The following HIPK3 variants were observed in gnomAD, a reference collection of about 807,000 sequenced individuals.
HIPK3 encodes homeodomain interacting protein kinase 3, also known as homeodomain-interacting protein kinase 3.
HIPK3 carries 47 observed loss-of-function variants against 124.2 expected under a neutral mutation model. The ratio of observed to expected loss-of-function variants is 0.38; its 90% confidence interval spans 0.30 to 0.48. The LOEUF (loss-of-function observed/expected upper bound fraction) is 0.48, where lower values mean the gene tolerates loss of function less well. Among genes scored for constraint, HIPK3 ranks in the 20% least tolerant of loss-of-function variants. HIPK3 has a pLI of 0.98. For missense variants in HIPK3, 1,286 were observed against 1,454.3 expected (o/e 0.88, Z 1.88); for synonymous variants, 482 against 515.2 (o/e 0.94, Z 0.87).
chr11:33,272,040 A>G (rs1851138578), intron 1 of HIPK3, among the ~76,000 whole-genome samples: 1 of 152,222 alleles, frequency 6.6e-6, no homozygotes, highest in Non-Finnish European at 1.5e-5. Flanking sequence ...AAAATGTGTC[A>G]CTTAAAGTTA....
Position 33,353,376 on chromosome 11 carries a change from T to A in HIPK3, c.3456T>A (p.Tyr1152Ter). ...TSRPMLQHPTYNISHPSGIVH... is the reference protein window; with the variant it reads ...TSRPMLQHPT Reference sequence around the variant, plus strand: ...GACCTATGTTACAGCATCCAACTTATAATATCTCCCATCCCAGTGGCATAG... The same window carrying A: ...GACCTATGTTACAGCATCCAACTTAAAATATCTCCCATCCCAGTGGCATAG... Residue 1152 changes from tyrosine (Y) to a stop codon, truncating the protein, a stop_gained, in exon 17 of 17, where the codon TAT (tyrosine) becomes TAA (stop). Coordinates refer to ENST00000303296, the MANE Select transcript of HIPK3 (RefSeq NM_005734.5). LOFTEE classifies it high-confidence loss of function. 1 of 1,614,146 alleles carries A rather than the reference T, an allele frequency of 6.2e-7. No individual in the cohort carries two copies. The highest frequency in any genetic ancestry group is 8.5e-7 in the Non-Finnish European group (1 of 1,180,016).
intron 1 of HIPK3, among the ~76,000 whole-genome samples, chr11:33,268,475 T>C (rs1015278353): frequency 6.7e-6 from 1 of 150,088 alleles, no homozygotes; most frequent in Non-Finnish European, 1.5e-5. Context: ...CCTGTAGTCC[T>C]AGCCACTCGG....
At chr11:33,338,662 T>G in intron 4 of HIPK3, 95 bp from the exon 5 acceptor site, 1 of 614,758 alleles carries the variant, frequency 1.6e-6, no homozygotes, top group Non-Finnish European at 2.6e-6. Flanking sequence ...AAATTACTAT[T>G]TGCCTTAGAA....
intron 1 of HIPK3, among the ~76,000 whole-genome samples, chr11:33,272,520 G>A (rs185697451): frequency 6.6e-6 from 1 of 151,992 alleles, no homozygotes; most frequent in Non-Finnish European, 1.5e-5. Context: ...AGTTTTTCTG[G>A]CTTTCCTAAG....
rs1565087967 is a variant in HIPK3, at chr11:33,328,502, A to C, written c.1098-8A>C. On this transcript the variant is annotated splice_polypyrimidine_tract_variant and splice_region_variant and intron_variant, in intron 2 of 16. Transcript: ENST00000303296. The stretch of plus-strand genomic sequence containing the variant: ...CACCCTGATTTTTGTTTTAATTTTA[A>C]ATTTCAGAGCTCCAGAGATTATATT... 1.2e-6 allele frequency: 2 copies of C among 1,607,138 alleles called. No individual in the cohort carries two copies. Among genetic ancestry groups the C allele is most frequent in the East Asian group, 2.2e-5 (1 of 44,802 alleles).
At chr11:33,269,533 T>C (rs1464058539) in intron 1 of HIPK3, among the ~76,000 whole-genome samples, 2 of 151,810 alleles carry the variant, frequency 1.3e-5, no homozygotes, top group East Asian at 3.8e-4. Flanking sequence ...ATTGACTCTT[T>C]TTCCTTCAGC....
At chr11:33,299,096 C>G (rs75995698) in intron 2 of HIPK3, among the ~76,000 whole-genome samples, 1 of 152,050 alleles carries the variant, frequency 6.6e-6, no homozygotes, top group African/African-American at 2.4e-5. Flanking sequence ...ATCTACCTGC[C>G]TCGGCCTCCC....
intron 2 of HIPK3, among the ~76,000 whole-genome samples, chr11:33,308,895 A>G (rs756301042): frequency 2.6e-5 from 4 of 151,084 alleles, no homozygotes; most frequent in Non-Finnish European, 5.9e-5. Flanking sequence ...TTCTGTTTCA[A>G]TCTGTGTATT....
chr11:33,346,648 G>A (rs562498852), intron 8 of HIPK3, among the ~76,000 whole-genome samples: 1 of 152,160 alleles, frequency 6.6e-6, no homozygotes. Context: ...TTCTTTCCAT[G>A]TTCTTTATCA....
At chr11:33,338,612 G>C in intron 4 of HIPK3, 145 bp from the exon 5 acceptor site, 1 of 436,180 alleles carries the variant, frequency 2.3e-6, no homozygotes, top group South Asian at 4.5e-5. Flanking sequence ...TTTTTTTTGC[G>C]TATACTTTAA....
intron 1 of HIPK3, chr11:33,258,700 T>C (rs1248131854): frequency 3.0e-6 from 3 of 985,136 alleles, no homozygotes; most frequent in Non-Finnish European, 3.6e-6. Context: ...GGTATGTGGC[T>C]CTCGGGGAAT....
intron 3 of HIPK3, among the ~76,000 whole-genome samples, chr11:33,334,423 C>T (rs1234684685): frequency 1.3e-5 from 2 of 151,994 alleles, no homozygotes; most frequent in Non-Finnish European, 2.9e-5. Flanking sequence ...GAGAAACTGG[C>T]CCATGTGGTT....
In HIPK3 at chr11:33,293,459, TCTA is replaced by T. The variant is rs558562895; in HGVS notation, c.1097+5951_1097+5953del. ...ACCCCCAGCCCTAAGCAACCACTAA[TCTA>T]CTTGCTGCCTGTGTAGATCATCTAT... On this transcript the variant is annotated intron_variant, in intron 2 of 16. Coordinates refer to ENST00000303296, the MANE Select transcript of HIPK3 (RefSeq NM_005734.5). Among the ~76,000 whole-genome samples the T allele has an allele frequency of 1.1e-3, 175 of 152,226 alleles. 2 individuals are homozygous for T. The highest frequency in any genetic ancestry group is 1.0e-3 in the Non-Finnish European group (70 of 68,012).
intron 1 of HIPK3, among the ~76,000 whole-genome samples, chr11:33,282,923 A>G (rs931485743): frequency 3.3e-5 from 5 of 152,262 alleles, no homozygotes; most frequent in South Asian, 2.1e-4. Context: ...TAGAAAAACT[A>G]TTGCAGATAA....
At chr11:33,268,289 A>G (rs1851026690) in intron 1 of HIPK3, among the ~76,000 whole-genome samples, 1 of 152,148 alleles carries the variant, frequency 6.6e-6, no homozygotes, top group Non-Finnish European at 1.5e-5. Flanking sequence ...TATTTTATAC[A>G]TGTGTATTTA....
At position 33,348,852 on chromosome 11, in the gene HIPK3, A is replaced by G. The variant is rs779607142; in HGVS notation, c.2666+34A>G. On this transcript the variant is annotated intron_variant, in intron 13 of 16. Coordinates refer to ENST00000303296, the MANE Select transcript of HIPK3 (RefSeq NM_005734.5). The stretch of plus-strand genomic sequence containing the variant: ...CAAACGCTGCATCCTCAAAGGATAT[A>G]GATGGCATCCTTTGGTGTGCCGAAA... 3 of 1,578,858 alleles carry G rather than the reference A, an allele frequency of 1.9e-6. No homozygotes were observed. The Admixed American group carries it at 5.2e-5, about 27-fold the overall frequency.
intron 2 of HIPK3, among the ~76,000 whole-genome samples, chr11:33,309,415 A>G (rs1023003645): frequency 4.6e-5 from 7 of 152,206 alleles, no homozygotes; most frequent in Non-Finnish European, 8.8e-5. Flanking sequence ...ACCCAGCCCA[A>G]ACTTGCTTAG....
intron 2 of HIPK3, among the ~76,000 whole-genome samples, chr11:33,298,799 A>T (rs1031027542): frequency 6.6e-6 from 1 of 152,184 alleles, no homozygotes; most frequent in Admixed American, 6.5e-5. Flanking sequence ...TGAAGATGGG[A>T]CTGACTTGCT....
chr11:33,258,203 C>G (rs959686948), intron 1 of HIPK3: 17 of 486,600 alleles, frequency 3.5e-5, no homozygotes, highest in South Asian at 8.8e-5. Context: ...CCGGGGGCCT[C>G]GGCCCCCCCT....
Sources: allele counts gnomAD v4.1 joint callset (sites outside exome capture counted in the v4.1 genomes callset), GRCh38; gene constraint gnomAD v4.1.1; transcripts MANE v1.5; gene names NCBI Gene and HGNC (gene_info 2026-07-23, HGNC 2026-07-21).